Variants in PPP1R9A observed in about 807,000 individuals in gnomAD.
PPP1R9A encodes neurabin-1.
In PPP1R9A, 59 loss-of-function variants were observed where a neutral mutation model predicts 141.9. The observed-to-expected ratio is 0.42, with a 90% CI of 0.34 to 0.52. The LOEUF (loss-of-function observed/expected upper bound fraction) is 0.52. Ranked by LOEUF, PPP1R9A falls within the 20% of genes least tolerant of loss-of-function variation. The pLI is 0.10. For missense variants in PPP1R9A, 1,444 were observed against 1,611.9 expected, an observed-to-expected ratio of 0.90 and a Z score of 1.78; for synonymous variants, 500 against 569.7, an observed-to-expected ratio of 0.88 and a Z score of 1.74.
chr7:95,096,204 T>C (rs1817995111), intron 2 of PPP1R9A, among the ~76,000 whole-genome samples: 1 of 152,170 alleles, frequency 6.6e-6, no homozygotes, highest in Non-Finnish European at 1.5e-5. Context: ...TTACATAATT[T>C]CACCCTAAAA....
At chr7:95,211,110 A>G (rs1044818410) in intron 7 of PPP1R9A, among the ~76,000 whole-genome samples, 9 of 151,716 alleles carry the variant, frequency 5.9e-5, no homozygotes, top group South Asian at 2.1e-4. Context: ...ACAAACCTGC[A>G]TGTTCTGCAC....
chr7:94,933,492 C>A (rs1278985247), intron 2 of PPP1R9A, among the ~76,000 whole-genome samples: 1 of 152,130 alleles, frequency 6.6e-6, no homozygotes, highest in East Asian at 1.9e-4. Context: ...GGAGACACAG[C>A]TCCAGTGTGA....
At chr7:95,195,465 G>A (rs1836125206) in intron 5 of PPP1R9A, among the ~76,000 whole-genome samples, 2 of 149,652 alleles carry the variant, frequency 1.3e-5, no homozygotes, top group Non-Finnish European at 3.0e-5. Context: ...TTTTTTAAGG[G>A]ACGGGTCTCA....
chr7:94,993,222 A>G (rs1801738005), intron 2 of PPP1R9A, among the ~76,000 whole-genome samples: 1 of 151,522 alleles, frequency 6.6e-6, no homozygotes, highest in African/African-American at 2.4e-5. Flanking sequence ...TATTTTATGT[A>G]TTTTATATAT....
intron 7 of PPP1R9A, among the ~76,000 whole-genome samples, chr7:95,214,796 T>G (rs1792943599): frequency 6.6e-6 from 1 of 152,136 alleles, no homozygotes; most frequent in Non-Finnish European, 1.5e-5. Context: ...ATGATTTTTT[T>G]GGTCAAAATT....
intron 9 of PPP1R9A, 83 bp from the exon 10 acceptor site, chr7:95,249,943 G>C: frequency 1.4e-6 from 2 of 1,456,378 alleles, no homozygotes; most frequent in Non-Finnish European, 1.8e-6. Flanking sequence ...AATAGAACTT[G>C]ATCTACAACA....
intron 2 of PPP1R9A, among the ~76,000 whole-genome samples, chr7:94,971,387 C>T (rs1798843227): frequency 6.6e-6 from 1 of 152,148 alleles, no homozygotes; most frequent in African/African-American, 2.4e-5. Flanking sequence ...CTAAAGATGA[C>T]CAAGCAAGAA....
At chr7:94,962,770 G>C (rs1363910369) in intron 2 of PPP1R9A, among the ~76,000 whole-genome samples, 2 of 152,110 alleles carry the variant, frequency 1.3e-5, no homozygotes, top group African/African-American at 4.8e-5. Flanking sequence ...GGGAGTCTGA[G>C]TGACTACAGT....
In PPP1R9A at chr7:95,060,615, C is replaced by T. The variant is rs761751416; in HGVS notation, c.1396-50644C>T. On this transcript the variant is annotated intron_variant, in intron 2 of 19. Coordinates refer to ENST00000433360, the MANE Select transcript of PPP1R9A (RefSeq NM_001166160.2). ...ATAGCACAGTTGAAAATGTAAGGTC[C>T]GAAGACCCCAAACTTTCCCCCATAA... 6.6e-5 allele frequency among the ~76,000 whole-genome samples: 10 copies of T among 151,918 alleles called. No homozygotes were observed. The South Asian group carries it at 1.0e-3, about 16-fold the overall frequency.
intron 4 of PPP1R9A, among the ~76,000 whole-genome samples, chr7:95,153,890 T>C (rs540962160): frequency 1.8e-4 from 28 of 152,206 alleles, no homozygotes; most frequent in Non-Finnish European, 3.4e-4. Flanking sequence ...TATCTAGAAA[T>C]TTATCCATTT....
At chr7:94,948,875 A>G (rs1016974497) in intron 2 of PPP1R9A, among the ~76,000 whole-genome samples, 2 of 152,050 alleles carry the variant, frequency 1.3e-5, no homozygotes, top group African/African-American at 4.8e-5. Context: ...TACTCCAATT[A>G]TTATTATTCA....
intron 3 of PPP1R9A, among the ~76,000 whole-genome samples, chr7:95,119,953 C>CTTTT (rs10567531): frequency 2.3e-5 from 2 of 86,170 alleles, no homozygotes; most frequent in Non-Finnish European, 4.6e-5. Context: ...AATATACTAT[C>CTTTT]TTTTTTTTTT....
At chr7:95,094,982 GC>G (rs552743896) in intron 2 of PPP1R9A, among the ~76,000 whole-genome samples, 473 of 151,280 alleles carry the variant, frequency 3.1e-3, no homozygotes, top group Non-Finnish European at 4.5e-3. Flanking sequence ...GTGATTGACT[GC>G]CCTTTCAAGC....
intron 8 of PPP1R9A, among the ~76,000 whole-genome samples, chr7:95,242,531 G>A (rs1280242928): frequency 6.6e-6 from 1 of 151,988 alleles, no homozygotes; most frequent in African/African-American, 2.4e-5. Context: ...TCTATTTCTA[G>A]CACAGTTATA....
intron 14 of PPP1R9A, among the ~76,000 whole-genome samples, chr7:95,271,539 A>G (rs1802173028): frequency 6.6e-6 from 1 of 152,150 alleles, no homozygotes; most frequent in Non-Finnish European, 1.5e-5. Context: ...TCATTTTTTT[A>G]ACAGAGGAGG....
At chr7:94,999,813 ATT>A (rs1802656801) in intron 2 of PPP1R9A, among the ~76,000 whole-genome samples, 5 of 151,022 alleles carry the variant, frequency 3.3e-5, no homozygotes, top group Non-Finnish European at 7.4e-5. Context: ...TTATTTATTT[ATT>A]TATTTAGATA....
intron 7 of PPP1R9A, among the ~76,000 whole-genome samples, chr7:95,212,716 CA>C (rs1792396839): frequency 1.3e-5 from 2 of 152,068 alleles, no homozygotes; most frequent in African/African-American, 2.4e-5. Context: ...CCTTGTATGC[CA>C]AGGTTTGAGT....
chr7:95,065,344 C>T (rs1158483306), intron 2 of PPP1R9A, among the ~76,000 whole-genome samples: 2 of 152,132 alleles, frequency 1.3e-5, no homozygotes, highest in Admixed American at 6.6e-5. Context: ...GGATTACAGG[C>T]GTGAGCCACT....
intron 12 of PPP1R9A, among the ~76,000 whole-genome samples, chr7:95,258,914 G>C (rs184132910): frequency 6.6e-6 from 1 of 152,082 alleles, no homozygotes; most frequent in African/African-American, 2.4e-5. Flanking sequence ...CCTATGGCCC[G>C]ACAAATTTAC....
Sources: gnomAD v4.1 joint callset for allele counts (sites outside exome capture counted in the v4.1 genomes callset) on GRCh38, gnomAD v4.1.1 for gene constraint, MANE v1.5 for transcripts, NCBI Gene and HGNC (gene_info 2026-07-23, HGNC 2026-07-21) for gene names.